TM9SF2: variants seen among roughly 807,000 people sequenced by gnomAD.
TM9SF2 encodes the protein transmembrane 9 superfamily member 2, also known as 76 kDa membrane protein.
A neutral mutation model predicts 84.9 loss-of-function variants in TM9SF2; 13 were observed. That is an observed-to-expected ratio of 0.15 (90% CI 0.10 to 0.24). The LOEUF is 0.24. TM9SF2 is among the 10% of genes least tolerant of loss of function. TM9SF2 has a pLI of 1.00. For synonymous variants in TM9SF2, 273 were observed against 285.8 expected, an observed-to-expected ratio of 0.96 and a Z score of 0.45; for missense variants, 562 against 818.5, an observed-to-expected ratio of 0.69 and a Z score of 3.82.
At chr13:99,550,620 G>T (rs951935695) in intron 12 of TM9SF2, among the ~76,000 whole-genome samples, 6 of 152,118 alleles carry the variant, frequency 3.9e-5, no homozygotes, top group African/African-American at 1.4e-4. Flanking sequence ...AGTATTCAGG[G>T]GCAGGGGGAC....
chr13:99,541,712 T>A, intron 9 of TM9SF2, 45 bp downstream of exon 9: 1 of 1,300,560 alleles, frequency 7.7e-7, no homozygotes, highest in Non-Finnish European at 1.1e-6. Flanking sequence ...GGACACTGTT[T>A]ATTGTTATTT....
intron 3 of TM9SF2, among the ~76,000 whole-genome samples, chr13:99,528,252 T>C (rs2046192621): frequency 6.6e-6 from 1 of 152,188 alleles, no homozygotes; most frequent in African/African-American, 2.4e-5. Flanking sequence ...CTGAAGAGCA[T>C]GTTCTCCGGA....
At position 99,563,105 on chromosome 13, in the gene TM9SF2, G is replaced by A. The variant is rs193101970; in HGVS notation, c.*347G>A. 150 of 171,478 alleles carry A rather than the reference G, an allele frequency of 8.7e-4. 2 individuals are homozygous for A. The highest frequency in any genetic ancestry group is 4.9e-5 in the Non-Finnish European group (4 of 80,908). 10.6% of individuals were successfully genotyped at this position (171,478 alleles called of 1,614,324 possible). A position where few individuals can be genotyped will look rare whatever the true frequency, so the allele number is the denominator to read the frequency against. ...ATTAAATAATACTGATGAAAGGCAG[G>A]ACACTGCATTGTAAATAGGATTTTC... On this transcript the variant is annotated 3_prime_UTR_variant, in exon 17 of 17. Transcript: ENST00000376387.
intron 3 of TM9SF2, among the ~76,000 whole-genome samples, chr13:99,520,473 GTC>G: frequency 6.6e-6 from 1 of 152,262 alleles, no homozygotes; most frequent in African/African-American, 2.4e-5. Flanking sequence ...GCTGCTCTGT[GTC>G]TCTTTCCCCC....
At chr13:99,502,434 A>G (rs1411237367) in intron 1 of TM9SF2, among the ~76,000 whole-genome samples, 2 of 152,210 alleles carry the variant, frequency 1.3e-5, no homozygotes, top group African/African-American at 2.4e-5. Context: ...TCTGAGTTTT[A>G]AGTGTAAAAG....
intron 10 of TM9SF2, 125 bp from the exon 11 acceptor site, chr13:99,546,860 G>T: frequency 1.5e-6 from 2 of 1,322,112 alleles, no homozygotes; most frequent in Non-Finnish European, 2.1e-6. Context: ...CATGGTAGGA[G>T]AGCACATGGT....
chr13:99,518,196 C>T (rs1273040112), intron 2 of TM9SF2, among the ~76,000 whole-genome samples: 1 of 152,250 alleles, frequency 6.6e-6, no homozygotes, highest in Non-Finnish European at 1.5e-5. Flanking sequence ...GCTGCAACCT[C>T]TGCCTCCCGC....
At chr13:99,553,399 A>G (rs1181506751) in intron 13 of TM9SF2, among the ~76,000 whole-genome samples, 4 of 152,206 alleles carry the variant, frequency 2.6e-5, no homozygotes, top group Admixed American at 6.5e-5. Context: ...GAAGTAGTGA[A>G]CTGACAGGGT....
intron 2 of TM9SF2, among the ~76,000 whole-genome samples, chr13:99,518,461 G>C (rs1375668911): frequency 1.3e-5 from 2 of 152,144 alleles, no homozygotes; most frequent in Non-Finnish European, 2.9e-5. Flanking sequence ...AATACATTGT[G>C]GGCATCTTTC....
chr13:99,501,800 T>A (rs754218505), intron 1 of TM9SF2, 23 bp downstream of exon 1: 2 of 1,594,960 alleles, frequency 1.3e-6, no homozygotes, highest in Non-Finnish European at 1.7e-6. Flanking sequence ...TGACGAGCCC[T>A]CTGATGCACT....
At chr13:99,560,337 G>A (rs2046339553) in intron 16 of TM9SF2, among the ~76,000 whole-genome samples, 1 of 152,162 alleles carries the variant, frequency 6.6e-6, no homozygotes, top group Non-Finnish European at 1.5e-5. Context: ...CCTGGAGTCG[G>A]GTTTTGAAGG....
Position 99,559,569 on chromosome 13 carries a change from GTAAGTTTTTAGACAAA to G in TM9SF2, c.1924+39_1924+54del. On this transcript the variant is annotated intron_variant, in intron 16 of 16. Transcript: ENST00000376387. ...TAATTTAAGTGATTATTTTTATTTT[GTAAGTTTTTAGACAAA>G]TAACTTATAAATGTTTGTCTTTTTT... The G allele has an allele frequency of 2.0e-6, 3 of 1,534,046 alleles. No individual in the cohort carries two copies. The Middle Eastern group carries it at 5.4e-4, about 275-fold the overall frequency.
intron 15 of TM9SF2, among the ~76,000 whole-genome samples, chr13:99,557,013 C>T (rs1483743649): frequency 6.6e-5 from 10 of 152,042 alleles, no homozygotes; most frequent in Non-Finnish European, 7.4e-5. Flanking sequence ...TACAAGTGTT[C>T]GTTTGAATAC....
At chr13:99,530,476 A>T (rs181437013) in intron 4 of TM9SF2, among the ~76,000 whole-genome samples, 2 of 152,390 alleles carry the variant, frequency 1.3e-5, no homozygotes, top group African/African-American at 4.8e-5. Context: ...TAACGCAAGG[A>T]TGCCACAAAC....
intron 9 of TM9SF2, among the ~76,000 whole-genome samples, chr13:99,543,220 A>G (rs1238753189): frequency 6.6e-6 from 1 of 152,152 alleles, no homozygotes; most frequent in Non-Finnish European, 1.5e-5. Context: ...CATATGTTAC[A>G]TCCTGTCCTG....
Position 99,552,231 on chromosome 13 carries a change from A to T in TM9SF2, c.1393A>T (p.Ile465Phe). Residue 465 changes from isoleucine to phenylalanine, a missense_variant, in exon 13 of 17, where the codon ATT becomes TTT. Ile to Phe is a conservative substitution (Grantham distance 21). Around this residue, in one of 4 missense-constraint regions of TM9SF2, gnomAD observed 219 missense variants for 338.1 expected, o/e 0.65. Transcript: ENST00000376387. ...CTGGGGAGAAGGATCTTCAGCAGCT[A>T]TTCCTTTTGGGACACTGGTTGCCAT... Reference protein sequence around the residue: ...ILWGEGSSAAIPFGTLVAILA... With the variant: ...ILWGEGSSAAFPFGTLVAILA... 2 of 1,614,128 alleles carry T rather than the reference A, an allele frequency of 1.2e-6. No homozygotes were observed. Among genetic ancestry groups the T allele is most frequent in the Non-Finnish European group, 1.7e-6 (2 of 1,179,994 alleles).
intron 3 of TM9SF2, among the ~76,000 whole-genome samples, chr13:99,523,824 A>G (rs1267940232): frequency 2.0e-5 from 3 of 152,232 alleles, no homozygotes; most frequent in Non-Finnish European, 4.4e-5. Context: ...GGAAAGAACT[A>G]TTGAAAATAA....
chr13:99,559,269 T>C (rs1310385125), intron 15 of TM9SF2, 94 bp from the exon 16 acceptor site: 9 of 1,035,360 alleles, frequency 8.7e-6, no homozygotes, highest in Non-Finnish European at 1.2e-5. Context: ...GATTGGGGGC[T>C]GTCTCATTTA....
Position 99,559,346 on chromosome 13 carries a change from T to C in TM9SF2, c.1753-17T>C. The C allele has an allele frequency of 1.9e-6, 3 of 1,557,206 alleles. No homozygotes were observed. The highest frequency in any genetic ancestry group is 2.6e-6 in the Non-Finnish European group (3 of 1,152,724). ...TAATTGGAATGTAATTCTTGTTCTTTTTTCTTTACTACCTAGGATTATCAT... is the reference window on the plus strand; with the variant it reads ...TAATTGGAATGTAATTCTTGTTCTTCTTTCTTTACTACCTAGGATTATCAT... On this transcript the variant is annotated splice_polypyrimidine_tract_variant and intron_variant, in intron 15 of 16. Transcript: ENST00000376387.
Sources: gnomAD v4.1 joint callset for allele counts (sites outside exome capture counted in the v4.1 genomes callset) on GRCh38, gnomAD v4.1.1 for gene constraint, gnomAD v4.1.1 regional missense constraint, MANE v1.5 for transcripts, NCBI Gene and HGNC (gene_info 2026-07-23, HGNC 2026-07-21) for gene names.